SLC43A2: variants seen among roughly 807,000 people sequenced by gnomAD.
SLC43A2 encodes large neutral amino acids transporter small subunit 4.
A neutral mutation model predicts 63.2 loss-of-function variants in SLC43A2; 38 were observed. That is an observed-to-expected ratio of 0.60 (90% CI 0.46 to 0.79). The LOEUF (loss-of-function observed/expected upper bound fraction) is 0.79, where lower values mean the gene tolerates loss of function less well. Among genes scored for constraint, SLC43A2 ranks in the 30% least tolerant of loss-of-function variants. SLC43A2 has a pLI of 0.00. For missense variants in SLC43A2, 644 were observed against 756.2 expected (o/e 0.85, Z 1.74); for synonymous variants, 322 against 331.0 (o/e 0.97, Z 0.30).
chr17:1,593,710 C>T lies in SLC43A2; in HGVS notation c.502-431G>A, dbSNP rs1905027830. On this transcript the variant is annotated intron_variant, in intron 5 of 13. Transcript: ENST00000301335. This position sits in a 1 kb window ranked among gnomAD's most constrained non-coding sequence, Gnocchi z 5.3. ...TTTTATAAATAAAAATATCAGCATT[C>T]CAGAAAGACCAGATGTCAGCAAAAA... Among the ~76,000 whole-genome samples, 2 of 152,026 alleles carry T rather than the reference C, an allele frequency of 1.3e-5. No individual in the cohort carries two copies. The highest frequency in any genetic ancestry group is 2.9e-5 in the Non-Finnish European group (2 of 67,992).
intron 11 of SLC43A2, among the ~76,000 whole-genome samples, chr17:1,582,305 C>T (rs964050025): frequency 6.6e-6 from 1 of 152,188 alleles, no homozygotes; most frequent in Non-Finnish European, 1.5e-5. Flanking sequence ...GTCTCAAACT[C>T]CTGAGCTCAA....
At chr17:1,599,509 G>A (rs1005418649) in intron 5 of SLC43A2, among the ~76,000 whole-genome samples, 7 of 151,774 alleles carry the variant, frequency 4.6e-5, no homozygotes, top group African/African-American at 1.7e-4. Flanking sequence ...AGACCAGCCT[G>A]GCCAACATGG....
chr17:1,629,954 C>G (rs1314409289), upstream of SLC43A2, among the ~76,000 whole-genome samples: 1 of 152,232 alleles, frequency 6.6e-6, no homozygotes. Context: ...GCTTAGCACC[C>G]CAGGGCTGCC....
chr17:1,575,173 A>C lies in SLC43A2; in HGVS notation c.*431T>G. On this transcript the variant is annotated 3_prime_UTR_variant, in exon 14 of 14. Transcript: ENST00000301335. ...GGGGTGGGGGCCAGGCGCGGGCGAGACAGTGCAAGCCTTTGTCCTCAGGCA... is the reference window on the plus strand; with the variant it reads ...GGGGTGGGGGCCAGGCGCGGGCGAGCCAGTGCAAGCCTTTGTCCTCAGGCA... 9.9e-6 allele frequency: 2 copies of C among 202,966 alleles called. No individual in the cohort carries two copies. The highest frequency in any genetic ancestry group is 6.9e-5 in the South Asian group (1 of 14,512). The allele number at this position is 202,966 out of a possible 1,614,324, so 12.6% of individuals were successfully genotyped here. A position where few individuals can be genotyped will look rare whatever the true frequency, so the allele number is the denominator to read the frequency against.
Position 1,577,529 on chromosome 17 carries a change from GGA to G in SLC43A2, c.1424+719_1424+720del, listed in dbSNP as rs1444385538. Among the ~76,000 whole-genome samples, 6 of 152,226 alleles carry G rather than the reference GGA, an allele frequency of 3.9e-5. No homozygotes were observed. Among genetic ancestry groups the G allele is most frequent in the African/African-American group, 1.4e-4 (6 of 41,460 alleles). ...ACCCCAGGGGCTGTTGCGGGAATTG[GGA>G]GAGAGTTCCGGGCTAAATCTTAGCA... is the stretch of plus-strand genomic sequence containing the variant. On this transcript the variant is annotated intron_variant, in intron 12 of 13. Transcript: ENST00000301335. This position sits in a 1 kb window ranked among gnomAD's most constrained non-coding sequence, Gnocchi z 4.9.
intron 2 of SLC43A2, among the ~76,000 whole-genome samples, chr17:1,624,763 C>T (rs146064143): frequency 2.0e-4 from 30 of 151,434 alleles, no homozygotes; most frequent in African/African-American, 5.6e-4. Context: ...TGGTGGCGCA[C>T]ACTTGTAGTC....
rs1486800160 is a variant in SLC43A2 at position 1,619,126 on chromosome 17, G to A, written c.161-2357C>T. ...TCAAGACCAGCCTGGCCAATATGGT[G>A]AAACCCCATCTCTACTAAAAATACA... is the stretch of plus-strand genomic sequence containing the variant. On this transcript the variant is annotated intron_variant, in intron 2 of 13. Transcript: ENST00000301335. Among the ~76,000 whole-genome samples, 4 of 152,242 alleles carry A rather than the reference G, an allele frequency of 2.6e-5. No individual in the cohort carries two copies. The South Asian group carries it at 8.3e-4, about 32-fold the overall frequency.
At chr17:1,582,799 G>A (rs1365278348) in intron 11 of SLC43A2, among the ~76,000 whole-genome samples, 1 of 152,174 alleles carries the variant, frequency 6.6e-6, no homozygotes, top group Non-Finnish European at 1.5e-5. Flanking sequence ...CATCTGAGCT[G>A]GGCACGGTGC....
intron 10 of SLC43A2, among the ~76,000 whole-genome samples, chr17:1,584,140 G>T (rs572732919): frequency 6.6e-6 from 1 of 152,004 alleles, no homozygotes; most frequent in Non-Finnish European, 1.5e-5. Flanking sequence ...TGATCCACCC[G>T]CCTTGGCCTC....
In SLC43A2 at chr17:1,616,704, T is replaced by C; in HGVS notation, c.226A>G (p.Asn76Asp). ...TGGGCCTGGCAGCTGAGCCAGCCGT[T>C]CATCCAGCTCACCTCCTCGTGCCCC... ...EPGHEEVSWMNGWLSCQAQDE... is the reference protein window; with the variant it reads ...EPGHEEVSWMDGWLSCQAQDE... The change falls in exon 3 of 14, where the codon AAC becomes GAC. Residue 76 changes from asparagine to aspartate, a missense_variant. Around this residue, in one of 3 missense-constraint regions of SLC43A2, gnomAD observed 528 missense variants for 623.6 expected, o/e 0.85. Coordinates refer to ENST00000301335, the MANE Select transcript of SLC43A2 (RefSeq NM_152346.3). 1 of 1,614,160 alleles carries C rather than the reference T, an allele frequency of 6.2e-7. No individual in the cohort carries two copies. The highest frequency in any genetic ancestry group is 8.5e-7 in the Non-Finnish European group (1 of 1,180,034).
chr17:1,572,593 G>A lies in SLC43A2; in HGVS notation c.*3011C>T, dbSNP rs2075862283. On this transcript the variant is annotated 3_prime_UTR_variant, in exon 14 of 14. Transcript: ENST00000301335. ...CATGTCACCTGTCAGCTCCACACAA[G>A]GCAAAGTAGGATGGGTGACCCCTGA... The A allele has an allele frequency of 6.6e-6, 1 of 152,294 alleles. No homozygotes were observed. Among genetic ancestry groups the A allele is most frequent in the South Asian group, 2.1e-4 (1 of 4,838 alleles). 9.4% of individuals were successfully genotyped at this position (152,294 alleles called of 1,614,324 possible). A position where few individuals can be genotyped will look rare whatever the true frequency, so the allele number is the denominator to read the frequency against.
Position 1,591,650 on chromosome 17 carries a change from G to A in SLC43A2, c.644C>T (p.Ala215Val), listed in dbSNP as rs1320861730. ...GAGGAAAACCAGCCCGGAGCAGCCGGCCCAGACCACGAGGACGACGATGAA... is the reference window on the plus strand; with the variant it reads ...GAGGAAAACCAGCCCGGAGCAGCCGACCCAGACCACGAGGACGACGATGAA... ...VSFIVVLVVW[A>V]GCSGLVFLNC... is the part of the protein sequence containing the mutation. Residue 215 changes from alanine (A) to valine (V), a missense_variant, in exon 7 of 14, where the codon GCC (alanine) becomes GTC (valine). Physicochemically the swap from Ala to Val is moderately conservative, Grantham distance 64. Coordinates refer to ENST00000301335, the MANE Select transcript of SLC43A2 (RefSeq NM_152346.3). 1.4e-6 allele frequency: 2 copies of A among 1,409,262 alleles called. No individual in the cohort carries two copies. Among genetic ancestry groups the A allele is most frequent in the Admixed American group, 2.2e-5 (1 of 46,260 alleles). The allele number at this position is 1,409,262 out of a possible 1,614,324, so 87.3% of individuals were successfully genotyped here.
chr17:1,594,765 T>A (rs763882623), intron 5 of SLC43A2, among the ~76,000 whole-genome samples: 1 of 151,694 alleles, frequency 6.6e-6, no homozygotes, highest in Non-Finnish European at 1.5e-5. Context: ...TTTTTTTGTA[T>A]TTTCAGTAGA....
At chr17:1,614,657 T>G (rs1306785744) in intron 4 of SLC43A2, among the ~76,000 whole-genome samples, 1 of 152,120 alleles carries the variant, frequency 6.6e-6, no homozygotes, top group Non-Finnish European at 1.5e-5. Context: ...TTGTGACTTC[T>G]GCACACACCG....
Position 1,590,925 on chromosome 17 carries a change from C to G in SLC43A2, c.955G>C (p.Val319Leu). 6.4e-7 allele frequency: 1 copy of G among 1,551,196 alleles called. No homozygotes were observed. The highest frequency in any genetic ancestry group is 1.2e-5 in the South Asian group (1 of 84,054). Residue 319 changes from valine to leucine, a missense_variant, in exon 9 of 14, where the codon GTG becomes CTG. By Grantham distance (32) the Val-to-Leu change is conservative. Coordinates refer to ENST00000301335, the MANE Select transcript of SLC43A2 (RefSeq NM_152346.3). ...CTGAGCAGCAGGATGGGGCTGAACA[C>G]GCTGTGCATGAAGGAGGGGGCCACT... Reference protein sequence around the residue: ...AAVAPSFMHSVFSPILLLSLV... With the variant: ...AAVAPSFMHSLFSPILLLSLV...
chr17:1,576,657 G>A lies in SLC43A2; in HGVS notation c.1488C>T (p.Ala496=). The change falls in exon 13 of 14, where the codon GCC becomes GCT. Residue 496 remains alanine, a synonymous_variant. Coordinates refer to ENST00000301335, the MANE Select transcript of SLC43A2 (RefSeq NM_152346.3). ...GLQSLISALF[A]LLQQPLFLAM... Reference sequence around the variant, plus strand: ...CCAGAAACAGCGGCTGCTGCAGAAGGGCGAAGAGCGCGCTGATCAGAGACT... The same window carrying A: ...CCAGAAACAGCGGCTGCTGCAGAAGAGCGAAGAGCGCGCTGATCAGAGACT... The A allele has an allele frequency of 1.2e-6, 2 of 1,610,964 alleles. No homozygotes were observed. Among genetic ancestry groups the A allele is most frequent in the Non-Finnish European group, 1.7e-6 (2 of 1,179,978 alleles).
chr17:1,570,300 G>C lies in SLC43A2; in HGVS notation c.*5304C>G, dbSNP rs1245518273. The C allele has an allele frequency of 2.0e-5, 3 of 152,096 alleles. No homozygotes were observed. Among genetic ancestry groups the C allele is most frequent in the African/African-American group, 4.8e-5 (2 of 41,344 alleles). The allele number at this position is 152,096 out of a possible 1,614,324, so 9.4% of individuals were successfully genotyped here. A position where few individuals can be genotyped will look rare whatever the true frequency, so the allele number is the denominator to read the frequency against. On this transcript the variant is annotated 3_prime_UTR_variant, in exon 14 of 14. Transcript: ENST00000301335. ...CCCGCCCCCGCTTCGGCCTCCCAAA[G>C]CACTGGGATTACAGGGATGAGCCAC...
chr17:1,576,475 C>A, intron 13 of SLC43A2, 122 bp downstream of exon 13: 2 of 1,131,730 alleles, frequency 1.8e-6, no homozygotes, highest in Non-Finnish European at 2.5e-6. Flanking sequence ...GACTCTTAAC[C>A]AATCCTAACC....
chr17:1,587,089 T>TGTGTTTCCCGCACC (rs1555537678), intron 9 of SLC43A2: 9 of 1,010,208 alleles, frequency 8.9e-6, no homozygotes, highest in Non-Finnish European at 1.3e-5. Flanking sequence ...TTTCCCACAC[T>TGTGTTTCCCGCACC]GCGTTTCCCG....
Sources: allele counts gnomAD v4.1 joint callset (sites outside exome capture counted in the v4.1 genomes callset), GRCh38; gene constraint gnomAD v4.1.1; regional missense constraint gnomAD v4.1.1; non-coding constraint Gnocchi (gnomAD v3.1); transcripts MANE v1.5; gene names NCBI Gene and HGNC (gene_info 2026-07-23, HGNC 2026-07-21).